Variants in GVQW3 observed in about 807,000 individuals in gnomAD.
The protein encoded by GVQW3 is protein GVQW3.
In GVQW3, 7 loss-of-function variants were observed where a neutral mutation model predicts 12.5. The observed-to-expected ratio is 0.56, with a 90% CI of 0.32 to 1.05. The LOEUF is 1.05. Ranked by LOEUF, GVQW3 falls within the 50% of genes least tolerant of loss-of-function variation. The pLI is 0.04. For missense variants in GVQW3, 188 were observed against 190.8 expected (o/e 0.99, Z 0.09); for synonymous variants, 71 against 67.2 (o/e 1.06, Z -0.28).
rs1947026260 is a variant in GVQW3, at chr11:76,405,062, A to G, written c.*1304A>G. 6.6e-6 allele frequency: 1 copy of G among 152,234 alleles called. No individual in the cohort carries two copies. Among genetic ancestry groups the G allele is most frequent in the African/African-American group, 2.4e-5 (1 of 41,454 alleles). The allele number at this position is 152,234 out of a possible 1,614,324, so 9.4% of individuals were successfully genotyped here. A position where few individuals can be genotyped will look rare whatever the true frequency, so the allele number is the denominator to read the frequency against. ...AAATAAGTAGTTATTTTCTGGCATA[A>G]TAAGAATTCCAAAGGTGCTCCTTTG... On this transcript the variant is annotated 3_prime_UTR_variant, in exon 2 of 2. Transcript: ENST00000529331.
At chr11:76,402,378 C>T (rs1005044051) in intron 1 of GVQW3, among the ~76,000 whole-genome samples, 1 of 152,020 alleles carries the variant, frequency 6.6e-6, no homozygotes, top group African/African-American at 2.4e-5. Context: ...CATGGTGAAG[C>T]CCTGTCTCTA....
At chr11:76,387,900 G>A (rs1474283086) in intron 1 of GVQW3, among the ~76,000 whole-genome samples, 1 of 152,200 alleles carries the variant, frequency 6.6e-6, no homozygotes, top group Non-Finnish European at 1.5e-5. Context: ...TACAGCCTAG[G>A]CGACAGAGTG....
At chr11:76,394,909 T>C (rs1329455328) in intron 1 of GVQW3, 1 of 152,212 alleles carries the variant, frequency 6.6e-6, no homozygotes, top group East Asian at 1.9e-4. Context: ...TGATATCTTA[T>C]TGTAGCAATG....
intron 1 of GVQW3, among the ~76,000 whole-genome samples, chr11:76,388,845 T>G (rs1946863072): frequency 6.6e-6 from 1 of 152,216 alleles, no homozygotes; most frequent in Admixed American, 6.5e-5. Flanking sequence ...GTGTTTCATT[T>G]AAATTTTATT....
At chr11:76,382,514 A>T in intron 1 of GVQW3, 1 of 611,150 alleles carries the variant, frequency 1.6e-6, no homozygotes, top group Non-Finnish European at 2.9e-6. Context: ...ACTGTTAGGC[A>T]CCTTCTTTGG....
intron 1 of GVQW3, among the ~76,000 whole-genome samples, chr11:76,402,746 T>C (rs577453634): frequency 8.6e-5 from 13 of 151,802 alleles, no homozygotes; most frequent in African/African-American, 2.9e-4. Context: ...TGAGAAAGGG[T>C]ATCATTCTGT....
intron 1 of GVQW3, among the ~76,000 whole-genome samples, chr11:76,396,951 C>G (rs1565245292): frequency 1.3e-5 from 2 of 150,102 alleles, no homozygotes; most frequent in East Asian, 3.9e-4. Context: ...TTCACTTAGC[C>G]TAATGTTTTT....
intron 1 of GVQW3, among the ~76,000 whole-genome samples, chr11:76,399,367 C>T (rs548973746): frequency 3.6e-4 from 55 of 152,246 alleles, no homozygotes; most frequent in Non-Finnish European, 7.4e-4. Flanking sequence ...ATCTCCAACT[C>T]CTGACCTCAA....
At chr11:76,384,318 GT>G (rs1183504530) in intron 1 of GVQW3, among the ~76,000 whole-genome samples, 1 of 152,076 alleles carries the variant, frequency 6.6e-6, no homozygotes, top group Non-Finnish European at 1.5e-5. Flanking sequence ...ATTAACACCT[GT>G]TTTTGTTTTG....
chr11:76,389,312 A>G (rs891366467), intron 1 of GVQW3, among the ~76,000 whole-genome samples: 2 of 152,186 alleles, frequency 1.3e-5, no homozygotes, highest in African/African-American at 4.8e-5. Context: ...GCTTTAAAAA[A>G]TTTTCTCCAG....
intron 1 of GVQW3, among the ~76,000 whole-genome samples, chr11:76,393,465 A>G (rs1424915375): frequency 6.6e-6 from 1 of 152,146 alleles, no homozygotes; most frequent in East Asian, 1.9e-4. Flanking sequence ...CATCCCCTAC[A>G]CTGCTCCTGT....
At chr11:76,387,364 A>G (rs1159959704) in intron 1 of GVQW3, among the ~76,000 whole-genome samples, 1 of 152,018 alleles carries the variant, frequency 6.6e-6, no homozygotes, top group Non-Finnish European at 1.5e-5. Context: ...TGAACCCTGG[A>G]GGCTGCAGTG....
rs1465471821 is a variant in GVQW3, at chr11:76,398,147, AAAAG to A, written c.466-5505_466-5502del. Among the ~76,000 whole-genome samples the A allele has an allele frequency of 4.6e-5, 7 of 151,850 alleles. No homozygotes were observed. The South Asian group carries it at 1.0e-3, about 23-fold the overall frequency. ...GAGACTGTGTCTCAAAAAAAAAAAA[AAAAG>A]AAAGAAAAGAAAATGACTGTGTGTA... On this transcript the variant is annotated intron_variant, in intron 1 of 1. Coordinates refer to ENST00000529331, the MANE Select transcript of GVQW3 (RefSeq NM_001347885.2).
exon 2 of GVQW3, chr11:76,414,008 T>C (rs769999473): frequency 6.6e-6 from 1 of 152,152 alleles, no homozygotes; most frequent in African/African-American, 2.4e-5. Context: ...CCTGTTATGC[T>C]GCCACCAATT....
chr11:76,399,904 T>C (rs61892859), intron 1 of GVQW3, among the ~76,000 whole-genome samples: 4,804 of 151,980 alleles, frequency 0.032, 92 homozygotes, highest in East Asian at 0.078. Flanking sequence ...CTCTCCTGGG[T>C]CTACAGCTTG....
At position 76,404,829 on chromosome 11, in the gene GVQW3, G is replaced by A. The variant is rs553957568; in HGVS notation, c.*1071G>A. On this transcript the variant is annotated 3_prime_UTR_variant, in exon 2 of 2. Coordinates refer to ENST00000529331, the MANE Select transcript of GVQW3 (RefSeq NM_001347885.2). ...TGCATCTTGCACAAAGCCTGGTCCTGAGTAGGTGCCCTGCAAAGGTGCAGG... is the reference window on the plus strand; with the variant it reads ...TGCATCTTGCACAAAGCCTGGTCCTAAGTAGGTGCCCTGCAAAGGTGCAGG... 3.3e-5 allele frequency: 5 copies of A among 152,444 alleles called. No individual in the cohort carries two copies. Among genetic ancestry groups the A allele is most frequent in the South Asian group, 4.1e-4 (2 of 4,834 alleles). The allele number at this position is 152,444 out of a possible 1,614,324, so 9.4% of individuals were successfully genotyped here.
intron 1 of GVQW3, among the ~76,000 whole-genome samples, chr11:76,399,929 T>G (rs1000229417): frequency 7.2e-5 from 11 of 151,804 alleles, no homozygotes; most frequent in African/African-American, 2.7e-4. Flanking sequence ...GTACAGATCT[T>G]GGAACTTCTC....
At chr11:76,395,722 A>G (rs1375524342) in intron 1 of GVQW3, among the ~76,000 whole-genome samples, 1 of 152,228 alleles carries the variant, frequency 6.6e-6, no homozygotes, top group Non-Finnish European at 1.5e-5. Context: ...TCTCTACTTA[A>G]CAAGCTCAAT....
At chr11:76,383,790 A>G (rs1565240652) in intron 1 of GVQW3, 1 of 151,924 alleles carries the variant, frequency 6.6e-6, no homozygotes, top group Admixed American at 6.6e-5. Context: ...AAAAAAAAAA[A>G]AGGAATTAGA....
Sources: gnomAD v4.1 joint callset for allele counts (sites outside exome capture counted in the v4.1 genomes callset) on GRCh38, gnomAD v4.1.1 for gene constraint, MANE v1.5 for transcripts, NCBI Gene and HGNC (gene_info 2026-07-23, HGNC 2026-07-21) for gene names.